Variants in CAMTA1 observed in about 807,000 individuals in gnomAD.
The protein encoded by CAMTA1 is calmodulin-binding transcription activator 1.
Under a neutral mutation model 170.9 loss-of-function variants are expected in CAMTA1, and 27 were observed. The ratio of observed to expected loss-of-function variants is 0.16; its 90% CI spans 0.12 to 0.22. The LOEUF is 0.22. Ranked by LOEUF, CAMTA1 falls within the 10% of genes least tolerant of loss-of-function variation. The probability of loss-of-function intolerance (pLI) is 1.00; values close to 1 mark genes in which losing one functional copy is unlikely to be tolerated. For missense variants in CAMTA1, 1,619 were observed against 2,217.2 expected, an observed-to-expected ratio of 0.73 and a Z score of 5.42; for synonymous variants, 833 against 891.5, an observed-to-expected ratio of 0.93 and a Z score of 1.17.
rs182150657 is a variant in CAMTA1, at chr1:7,489,159, C to T, written c.510+21258C>T. On this transcript the variant is annotated intron_variant, in intron 6 of 22. Transcript: ENST00000303635. ...CTATTATTTGGGGCCTCCTTTGCCA[C>T]AGGTGGGCCCTGGCCTGGGAAGGGG... Among the ~76,000 whole-genome samples, 949 of 152,326 alleles carry T rather than the reference C, an allele frequency of 6.2e-3. 7 individuals carry two copies. The highest frequency in any genetic ancestry group is 0.02 in the Middle Eastern group (6 of 294).
intron 5 of CAMTA1, among the ~76,000 whole-genome samples, chr1:7,315,521 T>C (rs1261858648): frequency 6.6e-6 from 1 of 152,116 alleles, no homozygotes; most frequent in Admixed American, 6.5e-5. Flanking sequence ...ATTGGCTGGG[T>C]CAACATGGAC....
intron 6 of CAMTA1, among the ~76,000 whole-genome samples, chr1:7,510,079 A>G (rs1178604661): frequency 7.1e-6 from 1 of 141,238 alleles, no homozygotes; most frequent in Non-Finnish European, 1.6e-5. Flanking sequence ...TGACCCAGTG[A>G]CCCAACAGAT....
intron 3 of CAMTA1, among the ~76,000 whole-genome samples, chr1:6,926,769 C>T (rs1365494829): frequency 1.3e-5 from 2 of 149,618 alleles, no homozygotes; most frequent in East Asian, 3.9e-4. Flanking sequence ...CTGGCTCTGT[C>T]ACCCAGGCTG....
At chr1:6,866,090 G>A (rs1666486867) in intron 3 of CAMTA1, among the ~76,000 whole-genome samples, 1 of 152,124 alleles carries the variant, frequency 6.6e-6, no homozygotes, top group Non-Finnish European at 1.5e-5. Flanking sequence ...GAGGAGAGAG[G>A]GTATATGTTG....
At chr1:7,392,725 T>A (rs1329506428) in intron 5 of CAMTA1, among the ~76,000 whole-genome samples, 3 of 151,942 alleles carry the variant, frequency 2.0e-5, no homozygotes, top group Non-Finnish European at 4.4e-5. Context: ...ATATAAAAAA[T>A]TAGCCGGGTG....
rs1037416318 is a variant in CAMTA1 at position 6,965,766 on chromosome 1, C to T, written c.235-125538C>T. ...TTAGTGCCGGTTGTGACAAAAGCTG[C>T]ATTTGCATATCGCCGTGATGAGGTC... is the stretch of plus-strand genomic sequence containing the variant. On this transcript the variant is annotated intron_variant, in intron 3 of 22. Coordinates refer to ENST00000303635, the MANE Select transcript of CAMTA1 (RefSeq NM_015215.4). The surrounding 1 kb of genome is among the most constrained non-coding windows in gnomAD (Gnocchi z 4.1). 4.6e-5 allele frequency among the ~76,000 whole-genome samples: 7 copies of T among 152,214 alleles called. No individual in the cohort carries two copies. Among genetic ancestry groups the T allele is most frequent in the Non-Finnish European group, 1.0e-4 (7 of 68,038 alleles).
At chr1:7,196,282 G>A (rs1655518809) in intron 4 of CAMTA1, among the ~76,000 whole-genome samples, 1 of 152,214 alleles carries the variant, frequency 6.6e-6, no homozygotes, top group Admixed American at 6.5e-5. Flanking sequence ...TAAGTTTCTT[G>A]AGGCCTCCCA....
intron 5 of CAMTA1, among the ~76,000 whole-genome samples, chr1:7,451,033 C>T (rs959429073): frequency 6.6e-5 from 10 of 152,182 alleles, no homozygotes; most frequent in African/African-American, 2.4e-4. Context: ...CAGGGCACTG[C>T]ATTAATAGAT....
At chr1:6,940,384 C>T (rs1012108281) in intron 3 of CAMTA1, among the ~76,000 whole-genome samples, 2 of 152,134 alleles carry the variant, frequency 1.3e-5, no homozygotes, top group Non-Finnish European at 1.5e-5. Context: ...CTTCCCCTCA[C>T]CTTTCTGCTC....
rs1315375890 is a variant in CAMTA1, at chr1:7,358,603, CTCG to C, written c.438+108980_438+108982del. On this transcript the variant is annotated intron_variant, in intron 5 of 22. Transcript: ENST00000303635. The stretch of plus-strand genomic sequence containing the variant: ...CCTTCATCACAGAGCCCAGACTCGC[CTCG>C]TCAGACTTGGCTACCTCTGTGAGCT... Among the ~76,000 whole-genome samples, 4 of 152,314 alleles carry C rather than the reference CTCG, an allele frequency of 2.6e-5. No individual in the cohort carries two copies. The South Asian group carries it at 8.3e-4, about 32-fold the overall frequency.
At chr1:7,033,156 T>TCC (rs1703041952) in intron 3 of CAMTA1, among the ~76,000 whole-genome samples, 3 of 152,236 alleles carry the variant, frequency 2.0e-5, no homozygotes, top group African/African-American at 7.2e-5. Flanking sequence ...TCCCATCTTC[T>TCC]GCATAGGGAA....
chr1:6,964,792 C>G (rs1691219665), intron 3 of CAMTA1, among the ~76,000 whole-genome samples: 1 of 152,210 alleles, frequency 6.6e-6, no homozygotes, highest in African/African-American at 2.4e-5. Flanking sequence ...GTATATGTTG[C>G]TTGTGAGATG....
At chr1:6,925,848 G>C (rs2412220) in intron 3 of CAMTA1, among the ~76,000 whole-genome samples, 1 of 152,160 alleles carries the variant, frequency 6.6e-6, no homozygotes, top group Admixed American at 6.5e-5. Context: ...TAAGCTGTCC[G>C]CTGGCTGATC....
At chr1:7,147,486 A>T (rs1646274927) in intron 4 of CAMTA1, among the ~76,000 whole-genome samples, 1 of 151,820 alleles carries the variant, frequency 6.6e-6, no homozygotes, top group Admixed American at 6.6e-5. Context: ...CCATGCACAC[A>T]CAAACACACT....
chr1:6,902,072 C>CACACACACACACACACA (rs3986505), intron 3 of CAMTA1, among the ~76,000 whole-genome samples: 3 of 88,498 alleles, frequency 3.4e-5, no homozygotes, highest in African/African-American at 7.2e-5. Flanking sequence ...CACACACACA[C>CACACACACACACACACA]AAAAAAAAAA....
rs1320412478 is a variant in CAMTA1, at chr1:7,588,979, C to T, written c.511-51421C>T. On this transcript the variant is annotated intron_variant, in intron 6 of 22. Transcript: ENST00000303635. This position sits in a 1 kb window ranked among gnomAD's most constrained non-coding sequence, Gnocchi z 5.8. Reference sequence around the variant, plus strand: ...TAAAATTGAAAACCAAGCAATTTACCTTCAATCGCTTCTCAGAATTTTGCG... The same window carrying T: ...TAAAATTGAAAACCAAGCAATTTACTTTCAATCGCTTCTCAGAATTTTGCG... Among the ~76,000 whole-genome samples the T allele has an allele frequency of 6.6e-6, 1 of 152,196 alleles. No individual in the cohort carries two copies. The highest frequency in any genetic ancestry group is 1.9e-4 in the East Asian group (1 of 5,188).
At chr1:7,310,920 G>A (rs1160348472) in intron 5 of CAMTA1, among the ~76,000 whole-genome samples, 6 of 151,840 alleles carry the variant, frequency 4.0e-5, no homozygotes, top group Non-Finnish European at 7.4e-5. Context: ...TAGTAGAGAT[G>A]GGGTTTTGCC....
intron 4 of CAMTA1, among the ~76,000 whole-genome samples, chr1:7,170,505 C>T (rs1345614209): frequency 1.3e-5 from 2 of 152,076 alleles, no homozygotes; most frequent in African/African-American, 2.4e-5. Flanking sequence ...TGGTAGTCCC[C>T]TCCCTGTGTC....
chr1:7,652,920 A>G (rs917369037), intron 7 of CAMTA1, among the ~76,000 whole-genome samples: 2 of 152,166 alleles, frequency 1.3e-5, no homozygotes, highest in Non-Finnish European at 2.9e-5. Flanking sequence ...GGCAAGTTAC[A>G]TAACTTCTCT....
Sources: gnomAD v4.1 joint callset for allele counts (sites outside exome capture counted in the v4.1 genomes callset) on GRCh38, gnomAD v4.1.1 for gene constraint, Gnocchi (gnomAD v3.1) non-coding constraint, MANE v1.5 for transcripts, NCBI Gene and HGNC (gene_info 2026-07-23, HGNC 2026-07-21) for gene names.